Variants in ROBO2 observed in about 807,000 individuals in gnomAD.
ROBO2 encodes the protein roundabout homolog 2.
ROBO2 carries 53 observed loss-of-function variants against 160.8 expected under a neutral mutation model. The observed-to-expected ratio is 0.33, with a 90% CI of 0.26 to 0.41. The LOEUF (loss-of-function observed/expected upper bound fraction) is 0.41. Among genes scored for constraint, ROBO2 ranks in the 10% least tolerant of loss-of-function variants. The probability of loss-of-function intolerance (pLI) is 1.00; values close to 1 mark genes in which losing one functional copy is unlikely to be tolerated. For missense variants in ROBO2, 1,577 were observed against 1,722.4 expected (o/e 0.92, Z 1.49); for synonymous variants, 664 against 611.7 (o/e 1.09, Z -1.26).
chr3:76,226,145 A>T (rs1023706326), intron 2 of ROBO2, among the ~76,000 whole-genome samples: 2 of 152,198 alleles, frequency 1.3e-5, no homozygotes, highest in African/African-American at 4.8e-5. Context: ...AAGAAATTCA[A>T]TGAAGTCTAT....
intron 2 of ROBO2, among the ~76,000 whole-genome samples, chr3:76,441,187 G>A (rs1362154615): frequency 6.6e-6 from 1 of 152,130 alleles, no homozygotes; most frequent in Non-Finnish European, 1.5e-5. Context: ...GTGCTTGGCT[G>A]TTTTATATAA....
intron 13 of ROBO2, among the ~76,000 whole-genome samples, chr3:77,569,067 G>A (rs2093570002): frequency 6.6e-6 from 1 of 151,974 alleles, no homozygotes; most frequent in African/African-American, 2.4e-5. Flanking sequence ...GTTGATGGAT[G>A]TTCGGGTTGT....
intron 2 of ROBO2, among the ~76,000 whole-genome samples, chr3:77,254,440 C>CTT (rs74266995): frequency 0.015 from 2,184 of 146,144 alleles, 48 homozygotes; most frequent in African/African-American, 0.049. Context: ...TAAAATACTT[C>CTT]TTTTTTTTTT....
intron 2 of ROBO2, among the ~76,000 whole-genome samples, chr3:76,357,049 TA>T (rs905785452): frequency 1.3e-5 from 2 of 151,672 alleles, no homozygotes; most frequent in Admixed American, 1.3e-4. Context: ...GAGAACTATT[TA>T]AAAAAAGGCA....
At chr3:76,574,092 C>T (rs1471404508) in intron 2 of ROBO2, among the ~76,000 whole-genome samples, 1 of 152,052 alleles carries the variant, frequency 6.6e-6, no homozygotes, top group African/African-American at 2.4e-5. Context: ...ATTTAATACA[C>T]ATTATTTTCC....
At chr3:76,679,425 A>G (rs1372314025) in intron 2 of ROBO2, among the ~76,000 whole-genome samples, 1 of 152,076 alleles carries the variant, frequency 6.6e-6, no homozygotes, top group Admixed American at 6.5e-5. Context: ...AACTTTTTTT[A>G]TACTAAAATT....
At chr3:76,368,805 A>G (rs2075961441) in intron 2 of ROBO2, among the ~76,000 whole-genome samples, 2 of 151,994 alleles carry the variant, frequency 1.3e-5, no homozygotes, top group African/African-American at 4.8e-5. Context: ...ATCTGAATGT[A>G]TAGCAGGAAT....
intron 2 of ROBO2, among the ~76,000 whole-genome samples, chr3:76,185,097 A>C (rs756713205): frequency 8.6e-5 from 13 of 150,830 alleles, no homozygotes; most frequent in Non-Finnish European, 1.6e-4. Flanking sequence ...AAATCATCAC[A>C]GGTATGGACT....
intron 2 of ROBO2, among the ~76,000 whole-genome samples, chr3:76,217,439 G>T (rs1270140036): frequency 6.6e-6 from 1 of 152,086 alleles, no homozygotes; most frequent in African/African-American, 2.4e-5. Context: ...GAAGAAAAGA[G>T]AGAAGAATCA....
intron 2 of ROBO2, among the ~76,000 whole-genome samples, chr3:76,686,070 T>C (rs765511361): frequency 2.6e-5 from 4 of 152,092 alleles, no homozygotes; most frequent in Non-Finnish European, 5.9e-5. Context: ...ACTGAAAGCA[T>C]GCGATAGCCA....
chr3:77,270,072 A>G (rs960449420), intron 2 of ROBO2, among the ~76,000 whole-genome samples: 22 of 152,176 alleles, frequency 1.4e-4, no homozygotes, highest in African/African-American at 5.3e-4. Context: ...CATTTACTCT[A>G]TGTTTCATAT....
At chr3:77,295,451 C>T (rs1201929942) in intron 2 of ROBO2, among the ~76,000 whole-genome samples, 1 of 148,714 alleles carries the variant, frequency 6.7e-6, no homozygotes, top group Non-Finnish European at 1.5e-5. Context: ...ACAGTAAAGA[C>T]ATAAAGTAAA....
At chr3:76,146,006 C>T (rs528539276) in intron 2 of ROBO2, among the ~76,000 whole-genome samples, 10 of 151,910 alleles carry the variant, frequency 6.6e-5, no homozygotes, top group Non-Finnish European at 1.0e-4. Context: ...ATTTCTTTCC[C>T]GCTGTTCATC....
chr3:77,552,045 G>A (rs1288642242), intron 8 of ROBO2, among the ~76,000 whole-genome samples: 1 of 151,944 alleles, frequency 6.6e-6, no homozygotes, highest in Non-Finnish European at 1.5e-5. Context: ...GAACTGAAAG[G>A]AGAAGTCAGG....
intron 2 of ROBO2, among the ~76,000 whole-genome samples, chr3:76,065,923 T>C (rs2068239362): frequency 6.6e-6 from 1 of 151,934 alleles, no homozygotes; most frequent in African/African-American, 2.4e-5. Context: ...TGATAATCTT[T>C]CTCTACTCCT....
chr3:77,491,358 C>G (rs1321940994), intron 4 of ROBO2, among the ~76,000 whole-genome samples: 1 of 152,166 alleles, frequency 6.6e-6, no homozygotes, highest in Non-Finnish European at 1.5e-5. Context: ...TCAATAGTGT[C>G]TCAAACCTCT....
intron 2 of ROBO2, among the ~76,000 whole-genome samples, chr3:76,643,820 C>T (rs115041748): frequency 0.017 from 2,615 of 151,744 alleles, 79 homozygotes; most frequent in African/African-American, 0.058. Context: ...ATTAAATTTC[C>T]ATTCAAACTT....
chr3:76,531,670 G>T (rs1412924052), intron 2 of ROBO2, among the ~76,000 whole-genome samples: 8 of 121,332 alleles, frequency 6.6e-5, no homozygotes, highest in South Asian at 2.7e-4. Flanking sequence ...CTGTCCTCTT[G>T]GTAATTCAAC....
At chr3:76,239,173 A>G (rs1207066280) in intron 2 of ROBO2, among the ~76,000 whole-genome samples, 1 of 151,606 alleles carries the variant, frequency 6.6e-6, no homozygotes, top group Non-Finnish European at 1.5e-5. Context: ...AATGGTAGTT[A>G]TAGAGATAGA....
Sources: gnomAD v4.1 joint callset for allele counts (sites outside exome capture counted in the v4.1 genomes callset) on GRCh38, gnomAD v4.1.1 for gene constraint, MANE v1.5 for transcripts, NCBI Gene and HGNC (gene_info 2026-07-23, HGNC 2026-07-21) for gene names.